RABGAP1L: variants seen among roughly 807,000 people sequenced by gnomAD.
The protein encoded by RABGAP1L is rab GTPase-activating protein 1-like.
RABGAP1L carries 63 observed loss-of-function variants against 137.7 expected under a neutral mutation model. The ratio of observed to expected loss-of-function variants is 0.46; its 90% CI spans 0.37 to 0.56. The LOEUF (loss-of-function observed/expected upper bound fraction) is 0.56. Ranked by LOEUF, RABGAP1L falls within the 20% of genes least tolerant of loss-of-function variation. The probability of loss-of-function intolerance (pLI) is 0.00; values close to 1 mark genes in which losing one functional copy is unlikely to be tolerated. For missense variants in RABGAP1L, 1,095 were observed against 1,244.0 expected, an observed-to-expected ratio of 0.88 and a Z score of 1.80; for synonymous variants, 431 against 433.7, an observed-to-expected ratio of 0.99 and a Z score of 0.08.
chr1:174,407,973 C>T (rs1386779713), intron 13 of RABGAP1L, among the ~76,000 whole-genome samples: 2 of 152,204 alleles, frequency 1.3e-5, no homozygotes, highest in South Asian at 2.1e-4. Context: ...AATAGCAACC[C>T]GAGATGGGGT....
At position 174,581,616 on chromosome 1, in the gene RABGAP1L, C is replaced by T. The variant is rs534287266; in HGVS notation, c.1711-55759C>T. Among the ~76,000 whole-genome samples, 9 of 152,158 alleles carry T rather than the reference C, an allele frequency of 5.9e-5. No homozygotes were observed. The East Asian group carries it at 7.7e-4, about 13-fold the overall frequency. ...GGAGGTATGAAAATGTTTTAAACCT[C>T]GACTTGTGACAAATATACAACTCTG... On this transcript the variant is annotated intron_variant, in intron 13 of 25. Transcript: ENST00000681986.
intron 11 of RABGAP1L, among the ~76,000 whole-genome samples, chr1:174,322,802 G>T (rs1031531246): frequency 6.6e-6 from 1 of 152,088 alleles, no homozygotes; most frequent in African/African-American, 2.4e-5. Context: ...AGGAGATTTT[G>T]GGGGCAGATC....
At chr1:174,257,689 T>C (rs1360573246) in intron 7 of RABGAP1L, among the ~76,000 whole-genome samples, 9 of 152,302 alleles carry the variant, frequency 5.9e-5, no homozygotes, top group African/African-American at 2.2e-4. Flanking sequence ...GCCTTTTGAA[T>C]CAGTATATGC....
At position 174,493,227 on chromosome 1, in the gene RABGAP1L, T is replaced by C. The variant is rs571869582; in HGVS notation, c.1710+99082T>C. 1.4e-3 allele frequency among the ~76,000 whole-genome samples: 210 copies of C among 149,838 alleles called. 1 individual carries two copies. Among genetic ancestry groups the C allele is most frequent in the African/African-American group, 4.9e-3 (200 of 40,530 alleles). Reference sequence around the variant, plus strand: ...TAAACAAAATTTTAGCCAGGTGTGTTGGTACATGCCTGTAGTCCTAGCTAC... The same window carrying C: ...TAAACAAAATTTTAGCCAGGTGTGTCGGTACATGCCTGTAGTCCTAGCTAC... On this transcript the variant is annotated intron_variant, in intron 13 of 25. Transcript: ENST00000681986.
At position 174,472,435 on chromosome 1, in the gene RABGAP1L, G is replaced by A. The variant is rs575892941; in HGVS notation, c.1710+78290G>A. On this transcript the variant is annotated intron_variant, in intron 13 of 25. Transcript: ENST00000681986. ...TTTTGTTGAGGGTTCTGCCTTCCAG[G>A]CCCCCAGGTTTGGTGATTTGCTAGG... 1.5e-3 allele frequency among the ~76,000 whole-genome samples: 221 copies of A among 152,288 alleles called. 1 individual carries two copies. The highest frequency in any genetic ancestry group is 4.3e-3 in the South Asian group (21 of 4,834).
chr1:174,672,479 T>G (rs77714297), intron 14 of RABGAP1L, among the ~76,000 whole-genome samples: 11,862 of 151,760 alleles, frequency 0.078, 645 homozygotes, highest in East Asian at 0.31. Flanking sequence ...TTTGGTCTGA[T>G]CTTTATTTTC....
chr1:174,577,210 TACACACACACACACAC>T (rs67709003), intron 13 of RABGAP1L, among the ~76,000 whole-genome samples: 17,189 of 127,032 alleles, frequency 0.14, 1,217 homozygotes, highest in Middle Eastern at 0.27. Flanking sequence ...GGGGAAAAAA[TACACACACACACACAC>T]ACACACACAC....
At chr1:174,333,785 C>T (rs947220224) in intron 11 of RABGAP1L, among the ~76,000 whole-genome samples, 4 of 152,184 alleles carry the variant, frequency 2.6e-5, no homozygotes, top group African/African-American at 9.7e-5. Context: ...AGGGAAGGCT[C>T]ACTTGATCTG....
At chr1:174,539,771 A>G (rs1419666874) in intron 13 of RABGAP1L, among the ~76,000 whole-genome samples, 1 of 152,208 alleles carries the variant, frequency 6.6e-6, no homozygotes, top group Non-Finnish European at 1.5e-5. Context: ...ATGTGTCTTT[A>G]TAACAGCATG....
At chr1:174,471,101 C>T (rs1274431589) in intron 13 of RABGAP1L, among the ~76,000 whole-genome samples, 1 of 151,956 alleles carries the variant, frequency 6.6e-6, no homozygotes, top group East Asian at 1.9e-4. Context: ...AGTTCAGCTA[C>T]TTTGCATGGA....
At position 174,522,398 on chromosome 1, in the gene RABGAP1L, G is replaced by A. The variant is rs189738528; in HGVS notation, c.1711-114977G>A. Among the ~76,000 whole-genome samples the A allele has an allele frequency of 1.2e-3, 188 of 152,114 alleles. 1 individual carries two copies. Among genetic ancestry groups the A allele is most frequent in the African/African-American group, 4.3e-3 (177 of 41,516 alleles). Reference sequence around the variant, plus strand: ...TCGAGACTAGCCTAGGCTATATGGCGAAACCCCATCTCTACAAAAACTTAG... The same window carrying A: ...TCGAGACTAGCCTAGGCTATATGGCAAAACCCCATCTCTACAAAAACTTAG... On this transcript the variant is annotated intron_variant, in intron 13 of 25. Transcript: ENST00000681986.
At chr1:174,380,200 T>C (rs1685993627) in intron 12 of RABGAP1L, among the ~76,000 whole-genome samples, 1 of 151,706 alleles carries the variant, frequency 6.6e-6, no homozygotes, top group African/African-American at 2.4e-5. Flanking sequence ...CAGTATTTTA[T>C]TGAGGATTTT....
chr1:174,949,852 T>C (rs1249820651), intron 19 of RABGAP1L, among the ~76,000 whole-genome samples: 1 of 152,222 alleles, frequency 6.6e-6, no homozygotes, highest in East Asian at 1.9e-4. Flanking sequence ...AAGCAGATTC[T>C]ATAAAATGCA....
intron 14 of RABGAP1L, among the ~76,000 whole-genome samples, chr1:174,648,172 T>A (rs1329211487): frequency 6.6e-6 from 1 of 151,722 alleles, no homozygotes; most frequent in Non-Finnish European, 1.5e-5. Context: ...ATTCATTGAG[T>A]TTTTTTTGAA....
At position 174,994,343 on chromosome 1, in the gene RABGAP1L, A is replaced by AAAG. The variant is rs1558318991; in HGVS notation, c.*4344_*4346dup. On this transcript the variant is annotated 3_prime_UTR_variant, in exon 26 of 26. Transcript: ENST00000681986. ...GCATTCCTTTCTCAGTTTGCATCTA[A>AAAG]AAGACTACATATGTCAAGCTTATCT... The AAAG allele has an allele frequency of 6.6e-6, 1 of 152,162 alleles. No individual in the cohort carries two copies. Among genetic ancestry groups the AAAG allele is most frequent in the East Asian group, 1.9e-4 (1 of 5,196 alleles). The allele number at this position is 152,162 out of a possible 1,614,324, so 9.4% of individuals were successfully genotyped here.
chr1:174,411,976 C>T (rs770567660), intron 13 of RABGAP1L, among the ~76,000 whole-genome samples: 3 of 151,816 alleles, frequency 2.0e-5, no homozygotes, highest in Non-Finnish European at 4.4e-5. Flanking sequence ...TAGAGTATCC[C>T]GTAGATGTTT....
At chr1:174,279,296 G>T (rs565718515) in intron 10 of RABGAP1L, among the ~76,000 whole-genome samples, 1 of 152,046 alleles carries the variant, frequency 6.6e-6, no homozygotes, top group African/African-American at 2.4e-5. Context: ...CTCAAATTAG[G>T]CAGTATTAGT....
chr1:174,541,960 A>T (rs1665495701), intron 13 of RABGAP1L, among the ~76,000 whole-genome samples: 1 of 152,188 alleles, frequency 6.6e-6, no homozygotes, highest in Non-Finnish European at 1.5e-5. Context: ...ATCGTGGTGG[A>T]TAAGCTTTTT....
intron 3 of RABGAP1L, among the ~76,000 whole-genome samples, chr1:174,223,689 G>C (rs1249706181): frequency 6.6e-6 from 1 of 152,096 alleles, no homozygotes; most frequent in African/African-American, 2.4e-5. Context: ...CTCCAAATTA[G>C]TCTGTAACTT....
Sources: allele counts gnomAD v4.1 joint callset (sites outside exome capture counted in the v4.1 genomes callset), GRCh38; gene constraint gnomAD v4.1.1; transcripts MANE v1.5; gene names NCBI Gene and HGNC (gene_info 2026-07-23, HGNC 2026-07-21).